CDKAL1: variants seen among roughly 807,000 people sequenced by gnomAD.
CDKAL1 encodes CDKAL1 threonylcarbamoyladenosine tRNA methylthiotransferase.
In CDKAL1, 32 loss-of-function variants were observed where a neutral mutation model predicts 68.2. That is an observed-to-expected ratio of 0.47 (90% CI 0.35 to 0.63). The LOEUF is 0.63. Ranked by LOEUF, CDKAL1 falls within the 30% of genes least tolerant of loss-of-function variation. The pLI, the probability that CDKAL1 is intolerant of heterozygous loss-of-function variation, is 0.00. For missense variants in CDKAL1, 606 were observed against 696.7 expected (o/e 0.87, Z 1.47); for synonymous variants, 234 against 244.3 (o/e 0.96, Z 0.39).
chr6:20,571,409 T>C (rs2127678602), intron 4 of CDKAL1, among the ~76,000 whole-genome samples: 2 of 152,262 alleles, frequency 1.3e-5, no homozygotes, highest in East Asian at 3.9e-4. Flanking sequence ...AGACTTCTCT[T>C]TCCCCTATCT....
At chr6:21,099,197 G>C (rs918762972) in intron 12 of CDKAL1, among the ~76,000 whole-genome samples, 1 of 152,002 alleles carries the variant, frequency 6.6e-6, no homozygotes, top group African/African-American at 2.4e-5. Context: ...GCAAACCAAC[G>C]GTTTAGAGCA....
At chr6:20,537,972 C>T (rs1186659093) in intron 2 of CDKAL1, among the ~76,000 whole-genome samples, 1 of 152,224 alleles carries the variant, frequency 6.6e-6, no homozygotes, top group Non-Finnish European at 1.5e-5. Context: ...TTATGATATA[C>T]AGCCAGGTTT....
chr6:20,931,425 T>C (rs1199421829), intron 9 of CDKAL1, among the ~76,000 whole-genome samples: 1 of 152,198 alleles, frequency 6.6e-6, no homozygotes, highest in African/African-American at 2.4e-5. Flanking sequence ...TCATCGTCAT[T>C]GCCTGGTAAG....
chr6:20,552,128 G>C (rs1386987688), intron 4 of CDKAL1, among the ~76,000 whole-genome samples: 2 of 151,690 alleles, frequency 1.3e-5, no homozygotes, highest in Non-Finnish European at 2.9e-5. Context: ...TGGGAGGGTC[G>C]CTTGAGCCCA....
chr6:21,040,315 CT>C (rs1452277916), intron 11 of CDKAL1, among the ~76,000 whole-genome samples: 2 of 152,110 alleles, frequency 1.3e-5, no homozygotes, highest in Non-Finnish European at 2.9e-5. Context: ...AGCTTTTTGT[CT>C]TAAGTCACTC....
intron 4 of CDKAL1, among the ~76,000 whole-genome samples, chr6:20,618,088 G>A (rs889676933): frequency 6.6e-6 from 1 of 152,144 alleles, no homozygotes; most frequent in Non-Finnish European, 1.5e-5. Context: ...GTTGTTTCCT[G>A]ACTTTTTAAT....
At position 20,876,930 on chromosome 6, in the gene CDKAL1, A is replaced by G. The variant is rs376137405; in HGVS notation, c.742+30752A>G. Among the ~76,000 whole-genome samples the G allele has an allele frequency of 1.6e-3, 250 of 152,304 alleles. 8 individuals carry two copies. In the South Asian group the frequency reaches 0.049, roughly 30 times the overall value. On this transcript the variant is annotated intron_variant, in intron 9 of 15. Coordinates refer to ENST00000274695, the MANE Select transcript of CDKAL1 (RefSeq NM_017774.3). The stretch of plus-strand genomic sequence containing the variant: ...TTTTTATTACAAATTAGTCTTCTAC[A>G]TATTATAAATTTAAATGCTAACTAG...
intron 5 of CDKAL1, among the ~76,000 whole-genome samples, chr6:20,656,503 C>G (rs1054677692): frequency 1.1e-4 from 16 of 151,338 alleles, no homozygotes; most frequent in Admixed American, 7.9e-4. Context: ...TAATGAGAAG[C>G]CTGTGATTGT....
chr6:20,869,444 G>A (rs1404222585), intron 9 of CDKAL1, among the ~76,000 whole-genome samples: 7 of 152,080 alleles, frequency 4.6e-5, no homozygotes, highest in Non-Finnish European at 8.8e-5. Context: ...ATTTTTTAAC[G>A]TGTGTGTTTT....
At position 21,093,694 on chromosome 6, in the gene CDKAL1, CTTTTTTTTTTTTTTT is replaced by C. The variant is rs547923386; in HGVS notation, c.1237-14681_1237-14667del. ...ATAACCAACTGAGCTGCTGCTGCTG[CTTTTTTTTTTTTTTT>C]TTTTTTTTTTTTTTTTTTTTTTTTT... is the stretch of plus-strand genomic sequence containing the variant. On this transcript the variant is annotated intron_variant, in intron 12 of 15. Transcript: ENST00000274695. 7.2e-4 allele frequency among the ~76,000 whole-genome samples: 63 copies of C among 88,084 alleles called. 1 individual carries two copies. Among genetic ancestry groups the C allele is most frequent in the South Asian group, 1.2e-3 (3 of 2,406 alleles). 57.8% of individuals were successfully genotyped at this position (88,084 alleles called of 152,430 possible).
chr6:20,820,092 GCTT>G (rs1468969701), intron 8 of CDKAL1, among the ~76,000 whole-genome samples: 2 of 152,158 alleles, frequency 1.3e-5, no homozygotes, highest in African/African-American at 4.8e-5. Context: ...CCAAGTTCTT[GCTT>G]CTTCTTGGTC....
intron 5 of CDKAL1, among the ~76,000 whole-genome samples, chr6:20,650,238 CTT>C (rs1041801595): frequency 1.2e-4 from 19 of 152,162 alleles, no homozygotes; most frequent in African/African-American, 4.1e-4. Flanking sequence ...TGTTTGTTGA[CTT>C]TTAATAATCG....
intron 15 of CDKAL1, among the ~76,000 whole-genome samples, chr6:21,212,558 A>G (rs1384970890): frequency 3.9e-5 from 6 of 152,162 alleles, no homozygotes; most frequent in Admixed American, 6.5e-5. Flanking sequence ...GTGACAGCCT[A>G]TCTCTCCTAT....
intron 4 of CDKAL1, among the ~76,000 whole-genome samples, chr6:20,614,047 C>G (rs976853045): frequency 8.6e-5 from 13 of 152,030 alleles, no homozygotes; most frequent in African/African-American, 3.1e-4. Flanking sequence ...TTTTAGTTTG[C>G]ATTTCTTACA....
intron 9 of CDKAL1, among the ~76,000 whole-genome samples, chr6:20,928,281 A>G (rs765726234): frequency 2.4e-4 from 36 of 152,328 alleles, no homozygotes; most frequent in Middle Eastern, 3.4e-3. Flanking sequence ...TAATTGTTCA[A>G]TAGTTCTTCA....
intron 9 of CDKAL1, among the ~76,000 whole-genome samples, chr6:20,901,681 GAAAAAA>G (rs77788195): frequency 5.4e-4 from 47 of 86,354 alleles, no homozygotes; most frequent in Non-Finnish European, 6.9e-4. Context: ...ACTCCATCTG[GAAAAAA>G]AAAAAAAAAA....
At chr6:20,731,153 G>C (rs1772907309) in intron 5 of CDKAL1, among the ~76,000 whole-genome samples, 3 of 152,208 alleles carry the variant, frequency 2.0e-5, no homozygotes, top group Admixed American at 2.0e-4. Flanking sequence ...AGGGAGGACT[G>C]CCCAGGTAGT....
At chr6:20,791,983 G>GAA (rs34964322) in intron 8 of CDKAL1, among the ~76,000 whole-genome samples, 20 of 141,666 alleles carry the variant, frequency 1.4e-4, no homozygotes, top group South Asian at 1.3e-3. Context: ...TCAAGAGAGA[G>GAA]AAAAAAAAAA....
intron 8 of CDKAL1, among the ~76,000 whole-genome samples, chr6:20,798,917 CAAA>C (rs200034795): frequency 2.2e-3 from 226 of 103,172 alleles, no homozygotes; most frequent in African/African-American, 7.3e-3. Context: ...TATAATAATA[CAAA>C]AAAAAAAAAA....
Sources: allele counts gnomAD v4.1 joint callset (sites outside exome capture counted in the v4.1 genomes callset), GRCh38; gene constraint gnomAD v4.1.1; transcripts MANE v1.5; gene names NCBI Gene and HGNC (gene_info 2026-07-23, HGNC 2026-07-21).